The following BBS9 variants were observed in gnomAD, a reference collection of about 807,000 sequenced individuals.
The protein encoded by BBS9 is Bardet-Biedl syndrome 9.
In BBS9, 89 loss-of-function variants were observed where a neutral mutation model predicts 117.7. That is an observed-to-expected ratio of 0.76 (90% confidence interval 0.64 to 0.90). The LOEUF (loss-of-function observed/expected upper bound fraction) is 0.90. Ranked by LOEUF, BBS9 falls within the 40% of genes least tolerant of loss-of-function variation. The pLI is 0.00. For missense variants in BBS9, 982 were observed against 1,042.2 expected, an observed-to-expected ratio of 0.94 and a Z score of 0.80; for synonymous variants, 379 against 370.9, an observed-to-expected ratio of 1.02 and a Z score of -0.25.
In BBS9 at chr7:33,623,919, G is replaced by A; in HGVS notation, c.2522-11258G>A. On this transcript the variant is annotated intron_variant, in intron 21 of 21. Coordinates refer to the BBS9 transcript ENST00000671952. ...AGGAGAGAGAAAATACCACTGGGGA[G>A]GGGCCAGAAGGCCTGTTTTATTTCC... Among the ~76,000 whole-genome samples the A allele has an allele frequency of 1.3e-5, 2 of 152,042 alleles. 1 individual carries two copies. Among genetic ancestry groups the A allele is most frequent in the Non-Finnish European group, 2.9e-5 (2 of 68,022 alleles).
chr7:33,591,188 A>C (rs1861858848), intron 21 of BBS9, among the ~76,000 whole-genome samples: 1 of 152,026 alleles, frequency 6.6e-6, no homozygotes, highest in Non-Finnish European at 1.5e-5. Context: ...AAGTTTCATG[A>C]ATTCCTTTTT....
rs766093145 is a variant in BBS9, at chr7:33,411,123, T to C, written c.2115+22979T>C. Among the ~76,000 whole-genome samples, 3 of 151,312 alleles carry C rather than the reference T, an allele frequency of 2.0e-5. No individual in the cohort carries two copies. In the Admixed American group the frequency reaches 2.0e-4, roughly 10 times the overall value. On this transcript the variant is annotated intron_variant, in intron 19 of 22. Coordinates refer to ENST00000242067, the MANE Select transcript of BBS9 (RefSeq NM_198428.3). The stretch of plus-strand genomic sequence containing the variant: ...GCAGCCTTCTTTTAGCCGGAAAGGA[T>C]GCCTGGAACATGTGGATAAGCTTGG...
intron 21 of BBS9, among the ~76,000 whole-genome samples, chr7:33,629,442 C>G (rs78307557): frequency 0.02 from 2,976 of 152,154 alleles, 50 homozygotes; most frequent in Non-Finnish European, 0.03. Flanking sequence ...CAGGGATAGA[C>G]TTGGGTGGCA....
At chr7:33,141,523 A>G (rs1297433457) in intron 1 of BBS9, among the ~76,000 whole-genome samples, 3 of 152,136 alleles carry the variant, frequency 2.0e-5, no homozygotes, top group African/African-American at 7.2e-5. Context: ...ATGGACCACT[A>G]TGCCCATCTA....
intron 1 of BBS9, among the ~76,000 whole-genome samples, chr7:33,141,969 T>G (rs758008072): frequency 6.6e-5 from 10 of 151,996 alleles, no homozygotes; most frequent in Non-Finnish European, 1.2e-4. Flanking sequence ...GGAGTCTCGC[T>G]CTTTTGCCCA....
intron 21 of BBS9, among the ~76,000 whole-genome samples, chr7:33,587,422 T>C (rs1247413437): frequency 1.3e-5 from 2 of 152,176 alleles, no homozygotes; most frequent in East Asian, 1.9e-4. Context: ...AGTTGATCTT[T>C]TTGGTGTTTG....
intron 19 of BBS9, among the ~76,000 whole-genome samples, chr7:33,464,852 G>A (rs1295284898): frequency 6.6e-6 from 1 of 151,818 alleles, no homozygotes; most frequent in Non-Finnish European, 1.5e-5. Context: ...TTGAGATAAG[G>A]TCTTCCACTG....
intron 4 of BBS9, among the ~76,000 whole-genome samples, chr7:33,167,494 C>T (rs1795884566): frequency 1.3e-5 from 2 of 151,456 alleles, no homozygotes; most frequent in Non-Finnish European, 2.9e-5. Flanking sequence ...CCTCTGCCTC[C>T]CGGGTTCAAG....
chr7:33,174,107 G>A (rs549553629), intron 4 of BBS9, among the ~76,000 whole-genome samples: 1 of 152,242 alleles, frequency 6.6e-6, no homozygotes, highest in African/African-American at 2.4e-5. Flanking sequence ...CCTAGACCCA[G>A]TCCAGTTTCT....
chr7:33,621,431 T>C (rs942123820), intron 21 of BBS9, among the ~76,000 whole-genome samples: 1 of 152,174 alleles, frequency 6.6e-6, no homozygotes, highest in African/African-American at 2.4e-5. Flanking sequence ...CCAACAGGTA[T>C]ATGAATAAAT....
At chr7:33,369,149 T>C (rs1396305523) in intron 17 of BBS9, among the ~76,000 whole-genome samples, 1 of 152,200 alleles carries the variant, frequency 6.6e-6, no homozygotes, top group African/African-American at 2.4e-5. Context: ...TTAGCTTTAA[T>C]CTCCAGTTGG....
At chr7:33,137,394 G>T (rs1038614991) in intron 1 of BBS9, among the ~76,000 whole-genome samples, 1 of 152,122 alleles carries the variant, frequency 6.6e-6, no homozygotes, top group African/African-American at 2.4e-5. Flanking sequence ...GCCCAGGAGC[G>T]CAGGGCTCCT....
chr7:33,145,486 T>C (rs776497882), intron 1 of BBS9, among the ~76,000 whole-genome samples: 1 of 152,160 alleles, frequency 6.6e-6, no homozygotes, highest in Non-Finnish European at 1.5e-5. Context: ...TGCAGCCCAA[T>C]TTTCCTGCTT....
chr7:33,373,576 CAAATCTGAAA>C (rs1823257314), intron 17 of BBS9, among the ~76,000 whole-genome samples: 1 of 151,996 alleles, frequency 6.6e-6, no homozygotes, highest in Non-Finnish European at 1.5e-5. Context: ...CAAATATCCC[CAAATCTGAAA>C]AAATCTGAAA....
At chr7:33,355,079 A>C (rs779197570) in intron 15 of BBS9, among the ~76,000 whole-genome samples, 3 of 152,062 alleles carry the variant, frequency 2.0e-5, no homozygotes, top group Non-Finnish European at 4.4e-5. Context: ...AATACTGCTG[A>C]TGGTAGGCAA....
chr7:33,167,577 AT>A (rs1338451170), intron 4 of BBS9, among the ~76,000 whole-genome samples: 1 of 151,576 alleles, frequency 6.6e-6, no homozygotes, highest in Non-Finnish European at 1.5e-5. Flanking sequence ...TAATTTTTGT[AT>A]TTTAGTAGAG....
chr7:33,395,189 C>A (rs937546501), intron 19 of BBS9, among the ~76,000 whole-genome samples: 7 of 152,066 alleles, frequency 4.6e-5, no homozygotes, highest in African/African-American at 1.7e-4. Flanking sequence ...TTGGAGAGTT[C>A]CCTCAATTCT....
chr7:33,180,222 A>C (rs1281619127), intron 5 of BBS9, among the ~76,000 whole-genome samples: 1 of 152,210 alleles, frequency 6.6e-6, no homozygotes, highest in Non-Finnish European at 1.5e-5. Context: ...AACCCTAGCC[A>C]ATAGGGGAAC....
intron 9 of BBS9, among the ~76,000 whole-genome samples, chr7:33,331,985 G>T (rs767840694): frequency 6.6e-6 from 1 of 152,016 alleles, no homozygotes; most frequent in African/African-American, 2.4e-5. Flanking sequence ...AAAAGAGCTC[G>T]CATAGCCAAA....
Sources: allele counts gnomAD v4.1 joint callset (sites outside exome capture counted in the v4.1 genomes callset), GRCh38; gene constraint gnomAD v4.1.1; transcripts MANE v1.5; gene names NCBI Gene and HGNC (gene_info 2026-07-23, HGNC 2026-07-21).